Variants in DLG2 observed in about 807,000 individuals in gnomAD.
The protein encoded by DLG2 is disks large homolog 2.
Under a neutral mutation model 132.5 loss-of-function variants are expected in DLG2, and 45 were observed. The observed-to-expected ratio is 0.34, with a 90% CI of 0.27 to 0.44. The LOEUF is 0.44. DLG2 is among the 20% of genes least tolerant of loss of function. The probability of loss-of-function intolerance (pLI) is 1.00; values close to 1 mark genes in which losing one functional copy is unlikely to be tolerated. For synonymous variants in DLG2, 424 were observed against 419.6 expected, an observed-to-expected ratio of 1.01 and a Z score of -0.13; for missense variants, 1,045 against 1,196.9, an observed-to-expected ratio of 0.87 and a Z score of 1.87.
chr11:83,901,096 G>T (rs1164779901), intron 15 of DLG2, among the ~76,000 whole-genome samples: 1 of 152,144 alleles, frequency 6.6e-6, no homozygotes, highest in Non-Finnish European at 1.5e-5. Flanking sequence ...CTTTGTTTTG[G>T]CCAATGTCTC....
rs529044356 is a variant in DLG2, at chr11:84,701,075, A to G, written c.358-166344T>C. On this transcript the variant is annotated intron_variant, in intron 6 of 27. Transcript: ENST00000376104. ...GAACACTGTAGGTCTAGGAATAGCCACTCCAATGAGACCATCCTGTCTTCC... is the reference window on the plus strand; with the variant it reads ...GAACACTGTAGGTCTAGGAATAGCCGCTCCAATGAGACCATCCTGTCTTCC... 2.0e-5 allele frequency among the ~76,000 whole-genome samples: 3 copies of G among 151,632 alleles called. No homozygotes were observed. The South Asian group carries it at 6.2e-4, about 31-fold the overall frequency.
At chr11:84,405,051 C>T (rs948640169) in intron 7 of DLG2, among the ~76,000 whole-genome samples, 4 of 152,080 alleles carry the variant, frequency 2.6e-5, no homozygotes, top group Non-Finnish European at 5.9e-5. Flanking sequence ...TGAATATCCT[C>T]TTTATTCTTG....
chr11:84,129,136 T>G (rs1051327378), intron 9 of DLG2, among the ~76,000 whole-genome samples: 26 of 152,116 alleles, frequency 1.7e-4, no homozygotes, highest in African/African-American at 2.4e-5. Context: ...GATAGTATTA[T>G]AGTTAGATGT....
At chr11:83,901,826 A>G (rs2073522808) in intron 15 of DLG2, among the ~76,000 whole-genome samples, 1 of 152,174 alleles carries the variant, frequency 6.6e-6, no homozygotes, top group South Asian at 2.1e-4. Flanking sequence ...TACCTTGGTA[A>G]GTCCACTTAA....
intron 5 of DLG2, among the ~76,000 whole-genome samples, chr11:85,138,624 C>A (rs988561669): frequency 1.3e-5 from 2 of 152,088 alleles, no homozygotes; most frequent in Non-Finnish European, 2.9e-5. Flanking sequence ...GAGGGACCCA[C>A]GGGAAGTAAT....
intron 3 of DLG2, among the ~76,000 whole-genome samples, chr11:85,526,215 G>C (rs1565635840): frequency 6.6e-6 from 1 of 152,098 alleles, no homozygotes; most frequent in Non-Finnish European, 1.5e-5. Context: ...TGTAACTGAA[G>C]TATCATGAAG....
intron 6 of DLG2, among the ~76,000 whole-genome samples, chr11:84,796,670 T>G (rs2153950094): frequency 6.6e-6 from 1 of 152,222 alleles, no homozygotes; most frequent in Admixed American, 6.5e-5. Context: ...GGATAAACTA[T>G]TCTAGGGTAA....
At chr11:84,125,077 C>T (rs1051868750) in intron 9 of DLG2, among the ~76,000 whole-genome samples, 8 of 151,912 alleles carry the variant, frequency 5.3e-5, no homozygotes, top group Admixed American at 2.0e-4. Flanking sequence ...CTTGAACTCA[C>T]GACCTCAGGT....
At chr11:83,835,796 GA>G (rs1267852392) in intron 16 of DLG2, among the ~76,000 whole-genome samples, 1 of 152,090 alleles carries the variant, frequency 6.6e-6, no homozygotes, top group Non-Finnish European at 1.5e-5. Flanking sequence ...AATTTCTGTG[GA>G]AAAATCTGCT....
chr11:83,780,319 G>A (rs893953221), intron 18 of DLG2, among the ~76,000 whole-genome samples: 12 of 152,110 alleles, frequency 7.9e-5, no homozygotes, highest in Admixed American at 2.0e-4. Context: ...GAAATGCACC[G>A]TGGTGTCCAA....
At chr11:83,841,923 G>A (rs771254881) in intron 16 of DLG2, among the ~76,000 whole-genome samples, 7 of 152,158 alleles carry the variant, frequency 4.6e-5, no homozygotes, top group Non-Finnish European at 1.0e-4. Context: ...CTAGGAAGTG[G>A]ACAAGTGCTA....
chr11:83,559,514 G>C (rs2096575127), intron 19 of DLG2, among the ~76,000 whole-genome samples: 3 of 152,186 alleles, frequency 2.0e-5, no homozygotes, highest in Admixed American at 6.6e-5. Context: ...TTAGGATCAG[G>C]TTGTGGCTAG....
intron 8 of DLG2, among the ~76,000 whole-genome samples, chr11:84,197,079 A>G (rs1393705374): frequency 6.6e-6 from 1 of 151,320 alleles, no homozygotes; most frequent in African/African-American, 2.4e-5. Context: ...AAAAAAAACG[A>G]AAGAAAGAAA....
At chr11:84,994,822 T>C (rs2057474491) in intron 6 of DLG2, among the ~76,000 whole-genome samples, 1 of 152,204 alleles carries the variant, frequency 6.6e-6, no homozygotes, top group Non-Finnish European at 1.5e-5. Context: ...ACCAGCCTTG[T>C]GTTTCCTGGA....
At chr11:83,603,835 C>T (rs1271200068) in intron 19 of DLG2, among the ~76,000 whole-genome samples, 2 of 152,112 alleles carry the variant, frequency 1.3e-5, no homozygotes, top group African/African-American at 4.8e-5. Flanking sequence ...TTGAATCTTT[C>T]TGATTGCTTT....
intron 3 of DLG2, among the ~76,000 whole-genome samples, chr11:85,433,764 T>C (rs1056780698): frequency 1.6e-4 from 25 of 151,966 alleles, no homozygotes; most frequent in African/African-American, 5.3e-4. Flanking sequence ...ATCAGCAAGA[T>C]AGAAAATTAA....
chr11:84,226,158 T>A (rs982256910), intron 8 of DLG2, among the ~76,000 whole-genome samples: 2 of 152,352 alleles, frequency 1.3e-5, no homozygotes, highest in Admixed American at 1.3e-4. Context: ...ATTTAAAATT[T>A]GGTTAGACTT....
intron 6 of DLG2, among the ~76,000 whole-genome samples, chr11:85,059,116 G>T (rs1269736950): frequency 6.6e-6 from 1 of 151,250 alleles, no homozygotes; most frequent in African/African-American, 2.4e-5. Flanking sequence ...TCCAAAATAG[G>T]ACTCATATTC....
intron 3 of DLG2, among the ~76,000 whole-genome samples, chr11:85,391,124 A>T (rs546428420): frequency 1.3e-5 from 2 of 152,254 alleles, no homozygotes; most frequent in East Asian, 3.9e-4. Context: ...GATACCACAG[A>T]AATACAAAAG....
Sources: gnomAD v4.1 joint callset for allele counts (sites outside exome capture counted in the v4.1 genomes callset) on GRCh38, gnomAD v4.1.1 for gene constraint, MANE v1.5 for transcripts, NCBI Gene and HGNC (gene_info 2026-07-23, HGNC 2026-07-21) for gene names.